Variants in GRM7 observed in about 807,000 individuals in gnomAD.
GRM7 encodes glutamate metabotropic receptor 7, also known as metabotropic glutamate receptor 7.
In GRM7, 35 loss-of-function variants were observed where a neutral mutation model predicts 84.5. The observed-to-expected ratio is 0.41, with a 90% confidence interval of 0.32 to 0.55. The LOEUF (loss-of-function observed/expected upper bound fraction) is 0.55, where lower values mean the gene tolerates loss of function less well. Ranked by LOEUF, GRM7 falls within the 20% of genes least tolerant of loss-of-function variation. The pLI is 0.19. For missense variants in GRM7, 1,003 were observed against 1,194.6 expected (o/e 0.84, Z 2.36); for synonymous variants, 487 against 455.1 (o/e 1.07, Z -0.89).
At chr3:7,300,245 C>T (rs894894819) in intron 3 of GRM7, among the ~76,000 whole-genome samples, 2 of 152,050 alleles carry the variant, frequency 1.3e-5, no homozygotes, top group Non-Finnish European at 2.9e-5. Flanking sequence ...CCTTAAGTTC[C>T]TGCTTGGATT....
intron 9 of GRM7, among the ~76,000 whole-genome samples, chr3:7,702,885 A>C (rs2125159883): frequency 6.6e-6 from 1 of 152,284 alleles, no homozygotes; most frequent in South Asian, 2.1e-4. Flanking sequence ...TGAAATACAG[A>C]GGAGATAGTC....
chr3:7,690,644 T>A (rs1049825472), intron 9 of GRM7, among the ~76,000 whole-genome samples: 2 of 152,140 alleles, frequency 1.3e-5, no homozygotes, highest in African/African-American at 4.8e-5. Flanking sequence ...ACCAACGAAG[T>A]TTTATGCCTA....
intron 4 of GRM7, among the ~76,000 whole-genome samples, chr3:7,326,544 A>T (rs997992094): frequency 6.6e-6 from 1 of 152,092 alleles, no homozygotes; most frequent in African/African-American, 2.4e-5. Context: ...GAAGCAAAGG[A>T]CATTTAGAAA....
At chr3:7,622,074 T>C (rs899936007) in intron 8 of GRM7, among the ~76,000 whole-genome samples, 2 of 152,130 alleles carry the variant, frequency 1.3e-5, no homozygotes, top group Non-Finnish European at 2.9e-5. Context: ...ATTTTTCAGA[T>C]GGCGGAGCTG....
chr3:7,697,399 G>A (rs965834410), intron 9 of GRM7, among the ~76,000 whole-genome samples: 2 of 152,098 alleles, frequency 1.3e-5, no homozygotes, highest in Non-Finnish European at 2.9e-5. Flanking sequence ...AAGGCTCAGA[G>A]AGGCTAAGAA....
chr3:7,137,048 G>A (rs112703747), intron 1 of GRM7, among the ~76,000 whole-genome samples: 25 of 152,204 alleles, frequency 1.6e-4, no homozygotes, highest in African/African-American at 5.8e-4. Context: ...AATGTGTGCT[G>A]TTTATTGGAT....
chr3:7,001,148 T>C (rs184218320), intron 1 of GRM7, among the ~76,000 whole-genome samples: 1 of 152,236 alleles, frequency 6.6e-6, no homozygotes, highest in Non-Finnish European at 1.5e-5. Flanking sequence ...TTAAATACAA[T>C]AAGCCTGGAC....
At chr3:7,042,443 T>C (rs1296434183) in intron 1 of GRM7, among the ~76,000 whole-genome samples, 1 of 152,194 alleles carries the variant, frequency 6.6e-6, no homozygotes, top group Non-Finnish European at 1.5e-5. Flanking sequence ...CCAGACCATA[T>C]AATACTCTTA....
chr3:7,073,702 T>C (rs149784713), intron 1 of GRM7, among the ~76,000 whole-genome samples: 104 of 152,292 alleles, frequency 6.8e-4, no homozygotes, highest in African/African-American at 2.4e-3. Flanking sequence ...ATTGGGACTT[T>C]AACAGGTATT....
intron 2 of GRM7, among the ~76,000 whole-genome samples, chr3:7,247,907 A>G (rs1183870057): frequency 6.6e-6 from 1 of 152,174 alleles, no homozygotes; most frequent in Non-Finnish European, 1.5e-5. Flanking sequence ...GCCACATTAT[A>G]CTCACTAGAA....
intron 4 of GRM7, among the ~76,000 whole-genome samples, chr3:7,356,923 C>T (rs1330626183): frequency 1.2e-5 from 1 of 81,190 alleles, no homozygotes; most frequent in Non-Finnish European, 2.8e-5. Context: ...TTTTTGATCA[C>T]ACACACACAC....
chr3:7,404,394 G>A (rs1695587943), intron 4 of GRM7, among the ~76,000 whole-genome samples: 1 of 152,172 alleles, frequency 6.6e-6, no homozygotes, highest in African/African-American at 2.4e-5. Flanking sequence ...GTCTTCCCCA[G>A]CTAGTTAATT....
rs113615550 is a variant in GRM7 at position 7,624,578 on chromosome 3, T to C, written c.2451+45221T>C. ...AAAATTGTAATGTAATGGCACATGC[T>C]AGAACAGATTATGAATTCTACAAAT... On this transcript the variant is annotated intron_variant, in intron 8 of 9. Transcript: ENST00000357716. 2.2e-3 allele frequency among the ~76,000 whole-genome samples: 329 copies of C among 152,274 alleles called. 5 individuals are homozygous for C. The highest frequency in any genetic ancestry group is 7.6e-3 in the African/African-American group (315 of 41,552).
At chr3:7,507,318 G>A (rs537542493) in intron 7 of GRM7, among the ~76,000 whole-genome samples, 2 of 152,286 alleles carry the variant, frequency 1.3e-5, no homozygotes, top group East Asian at 3.9e-4. Flanking sequence ...CAGCTACTGG[G>A]ACAAGCAAAT....
chr3:7,514,999 G>A (rs920027748), intron 7 of GRM7, among the ~76,000 whole-genome samples: 1 of 151,800 alleles, frequency 6.6e-6, no homozygotes, highest in Non-Finnish European at 1.5e-5. Context: ...AACTGGATTT[G>A]ACTTTTGGTT....
At chr3:7,076,442 G>A (rs1385706341) in intron 1 of GRM7, among the ~76,000 whole-genome samples, 1 of 152,118 alleles carries the variant, frequency 6.6e-6, no homozygotes, top group African/African-American at 2.4e-5. Context: ...GTGTTTATAA[G>A]TGGAAGTTTT....
intron 1 of GRM7, among the ~76,000 whole-genome samples, chr3:6,946,657 G>A (rs1171095866): frequency 1.3e-5 from 2 of 152,088 alleles, no homozygotes; most frequent in African/African-American, 4.8e-5. Context: ...GGGCAGTATG[G>A]CCATTTTCAT....
Position 6,984,444 on chromosome 3 carries a change from G to A in GRM7, c.519+122537G>A, listed in dbSNP as rs374793145. On this transcript the variant is annotated intron_variant, in intron 1 of 9. Coordinates refer to ENST00000357716, the MANE Select transcript of GRM7 (RefSeq NM_000844.4). ...GTAATAATTACATAGATTTCATTAC[G>A]TAGACTTTATTCCATCAATGGTTAC... 4.1e-4 allele frequency among the ~76,000 whole-genome samples: 63 copies of A among 152,170 alleles called. 1 individual carries two copies. In the Middle Eastern group the frequency reaches 0.01, roughly 25 times the overall value.
chr3:7,637,881 C>T (rs1698174200), intron 8 of GRM7, among the ~76,000 whole-genome samples: 1 of 152,208 alleles, frequency 6.6e-6, no homozygotes, highest in Non-Finnish European at 1.5e-5. Flanking sequence ...TAGTCACAGG[C>T]GGCAGTCACA....
Sources: gnomAD v4.1 joint callset for allele counts (sites outside exome capture counted in the v4.1 genomes callset) on GRCh38, gnomAD v4.1.1 for gene constraint, MANE v1.5 for transcripts, NCBI Gene and HGNC (gene_info 2026-07-23, HGNC 2026-07-21) for gene names.